Variants in ENC1 observed in about 807,000 individuals in gnomAD.
ENC1 encodes ectodermal-neural cortex 1, also known as ectoderm-neural cortex protein 1.
In ENC1, 19 loss-of-function variants were observed where a neutral mutation model predicts 40.9. The ratio of observed to expected loss-of-function variants is 0.46; its 90% CI spans 0.32 to 0.68. ENC1 has a LOEUF of 0.68. Ranked by LOEUF, ENC1 falls within the 30% of genes least tolerant of loss-of-function variation. ENC1 has a pLI of 0.03. For missense variants in ENC1, 479 were observed against 737.5 expected, an observed-to-expected ratio of 0.65 and a Z score of 4.06; for synonymous variants, 285 against 291.1, an observed-to-expected ratio of 0.98 and a Z score of 0.21.
chr5:74,636,188 G>A lies in ENC1; in HGVS notation c.298C>T (p.Leu100=). Residue 100 remains leucine, a synonymous_variant, in exon 2 of 3, where the codon CTG becomes TTG. Coordinates refer to ENST00000302351, the MANE Select transcript of ENC1 (RefSeq NM_003633.4). This position sits in a 1 kb window ranked among gnomAD's most constrained non-coding sequence, Gnocchi z 4.8. The stretch of plus-strand genomic sequence containing the variant: ...GAGGAGTACGCATAGTCAAGCAGCA[G>A]CTCCAAGACTTCTGGGTGGATGGAA... ...DNSIHPEVLE[L]LLDYAYSSRV... The A allele has an allele frequency of 6.2e-7, 1 of 1,614,168 alleles. No homozygotes were observed. The highest frequency in any genetic ancestry group is 8.5e-7 in the Non-Finnish European group (1 of 1,180,030).
In ENC1 at chr5:74,627,516, A is replaced by C. The variant is rs139423358; in HGVS notation, c.*2509T>G. On this transcript the variant is annotated 3_prime_UTR_variant, in exon 3 of 3. Transcript: ENST00000302351. ...AAATGTAGTCATAGCAAACAAGTAC[A>C]TATGAACATGAACATTTTCCTTCAA... 314 of 152,794 alleles carry C rather than the reference A, an allele frequency of 2.1e-3. 2 individuals carry two copies. Among genetic ancestry groups the C allele is most frequent in the African/African-American group, 7.3e-3 (303 of 41,584 alleles). The allele number at this position is 152,794 out of a possible 1,614,324, so 9.5% of individuals were successfully genotyped here.
At chr5:74,638,399 A>G (rs3822447) in intron 1 of ENC1, among the ~76,000 whole-genome samples, 114,780 of 152,132 alleles carry the variant, frequency 0.75, 43,374 homozygotes, top group Middle Eastern at 0.86. Flanking sequence ...TTTTTGGAAT[A>G]TAATTTTTTA....
intron 1 of ENC1, chr5:74,637,376 C>T (rs1418898974): frequency 1.3e-5 from 2 of 152,080 alleles, no homozygotes; most frequent in Non-Finnish European, 2.9e-5. Flanking sequence ...AATTTCTAAC[C>T]AGACAGCTCT....
chr5:74,636,216 G>A lies in ENC1; in HGVS notation c.270C>T (p.Asp90=). The change falls in exon 2 of 3, where the codon GAC becomes GAT. Residue 90 remains aspartate, a synonymous_variant. Coordinates refer to ENST00000302351, the MANE Select transcript of ENC1 (RefSeq NM_003633.4). This position sits in a 1 kb window ranked among gnomAD's most constrained non-coding sequence, Gnocchi z 4.8. The part of the protein sequence containing the change: ...KESQDSEVNF[D]NSIHPEVLEL... ...CCAAGACTTCTGGGTGGATGGAATT[G>A]TCAAAGTTGACCTCACTGTCCTGGC... The A allele has an allele frequency of 6.2e-7, 1 of 1,614,210 alleles. No homozygotes were observed. The highest frequency in any genetic ancestry group is 8.5e-7 in the Non-Finnish European group (1 of 1,180,044).
rs1322658642 is a variant in ENC1 at position 74,628,049 on chromosome 5, T to C, written c.*1976A>G. The C allele has an allele frequency of 6.6e-6, 1 of 152,570 alleles. No homozygotes were observed. The highest frequency in any genetic ancestry group is 1.9e-4 in the East Asian group (1 of 5,198). The allele number at this position is 152,570 out of a possible 1,614,324, so 9.5% of individuals were successfully genotyped here. A position where few individuals can be genotyped will look rare whatever the true frequency, so the allele number is the denominator to read the frequency against. On this transcript the variant is annotated 3_prime_UTR_variant, in exon 3 of 3. Coordinates refer to ENST00000302351, the MANE Select transcript of ENC1 (RefSeq NM_003633.4). ...CTCTTGGCAGATTTGCATCATAAAC[T>C]ACAGAGCTGTAACTGCTACAATATA...
Position 74,635,639 on chromosome 5 carries a change from C to CCA in ENC1, c.845_846dup (p.Val283TrpfsTer2). The CCA allele has an allele frequency of 1.2e-6, 2 of 1,614,218 alleles. No homozygotes were observed. Among genetic ancestry groups the CCA allele is most frequent in the Non-Finnish European group, 1.7e-6 (2 of 1,180,038 alleles). Reference sequence around the variant, plus strand: ...CGAGGTCGGGCACAGAGGCTGGTTACCACACCGTCATTCTGCAGGATTTTC... The same window carrying CCA: ...CGAGGTCGGGCACAGAGGCTGGTTACCACACACCGTCATTCTGCAGGATTTTC... On this transcript the variant is annotated frameshift_variant, in exon 2 of 3. Coordinates refer to ENST00000302351, the MANE Select transcript of ENC1 (RefSeq NM_003633.4). LOFTEE classifies it high-confidence loss of function. The surrounding 1 kb of genome is among the most constrained non-coding windows in gnomAD (Gnocchi z 5.5).
At chr5:74,637,317 C>T (rs768281824) in intron 1 of ENC1, among the ~76,000 whole-genome samples, 1 of 152,140 alleles carries the variant, frequency 6.6e-6, no homozygotes, top group Non-Finnish European at 1.5e-5. Context: ...GGGTCTCAAA[C>T]TCCTGGCCTC....
Position 74,636,291 on chromosome 5 carries a change from A to G in ENC1, c.195T>C (p.Ala65=). Residue 65 remains alanine (A), a synonymous_variant, in exon 2 of 3, where the codon GCT becomes GCC. Transcript: ENST00000302351. This position sits in a 1 kb window ranked among gnomAD's most constrained non-coding sequence, Gnocchi z 4.8. The part of the protein sequence containing the change: ...RTFPCHRAVL[A]ACSRYFEAMF... ...TGGCCTCAAAGTAGCGACTGCATGC[A>G]GCCAGCACTGCCCGGTGGCAAGGGA... The G allele has an allele frequency of 1.2e-6, 2 of 1,614,232 alleles. No homozygotes were observed. The highest frequency in any genetic ancestry group is 1.7e-6 in the Non-Finnish European group (2 of 1,180,050).
intron 1 of ENC1, chr5:74,637,540 A>C (rs141098146): frequency 1.6e-4 from 24 of 152,312 alleles, no homozygotes; most frequent in Non-Finnish European, 3.1e-4. Context: ...GGCACATAAA[A>C]AGAAGAATAT....
intron 2 of ENC1, among the ~76,000 whole-genome samples, chr5:74,631,048 CA>C (rs112772452): frequency 0.11 from 16,685 of 151,758 alleles, 964 homozygotes; most frequent in Non-Finnish European, 0.13. Flanking sequence ...AACATTAGGC[CA>C]AAAGAATGTA....
chr5:74,640,199 C>T (rs1468516001), intron 1 of ENC1, 108 bp downstream of exon 1: 1 of 152,230 alleles, frequency 6.6e-6, no homozygotes, highest in Admixed American at 6.5e-5. Context: ...GTCGAAGCTC[C>T]CGAGTGCTCG....
rs1406505240 is a variant in ENC1, at chr5:74,629,478, AGCAGACCCCTTAGAGATTAAC to A, written c.*526_*546del. 6.6e-6 allele frequency: 1 copy of A among 152,236 alleles called. No homozygotes were observed. The highest frequency in any genetic ancestry group is 2.4e-5 in the African/African-American group (1 of 41,460). 9.4% of individuals were successfully genotyped at this position (152,236 alleles called of 1,614,324 possible). A position where few individuals can be genotyped will look rare whatever the true frequency, so the allele number is the denominator to read the frequency against. On this transcript the variant is annotated 3_prime_UTR_variant, in exon 3 of 3. Transcript: ENST00000302351. The stretch of plus-strand genomic sequence containing the variant: ...CCATTGTTCAGAAACGTTCCTGGGG[AGCAGACCCCTTAGAGATTAAC>A]GGAGAGTCCAGTGGTCTTCATTCTT...
At position 74,634,887 on chromosome 5, in the gene ENC1, A is replaced by G. The variant is rs374922468; in HGVS notation, c.1599T>C (p.Ala533=). ...DVTAKRMSCH[A]VASGNKLYVV... ...CGTAGAGTTTGTTTCCAGAGGCCAC[A>G]GCATGGCAGCTCATGCGCTTTGCTG... Residue 533 remains alanine (A), a synonymous_variant, in exon 2 of 3, where the codon GCT becomes GCC. Coordinates refer to ENST00000302351, the MANE Select transcript of ENC1 (RefSeq NM_003633.4). 4.1e-5 allele frequency: 66 copies of G among 1,614,116 alleles called. No individual in the cohort carries two copies. The highest frequency in any genetic ancestry group is 5.2e-5 in the Non-Finnish European group (61 of 1,180,040).
Position 74,636,442 on chromosome 5 carries a change from C to T in ENC1, c.44G>A (p.Ser15Asn). Reference sequence around the variant, plus strand: ...AAACAGATAGATGTTAATGGAGCCGCTGCTGGCCCTGGACTTGCGGTTCTC... The same window carrying T: ...AAACAGATAGATGTTAATGGAGCCGTTGCTGGCCCTGGACTTGCGGTTCTC... ...VHENRKSRAS[S>N]GSINIYLFHK... The change falls in exon 2 of 3, where the codon AGC becomes AAC. Residue 15 changes from serine to asparagine, a missense_variant. Ser to Asn is a conservative substitution (Grantham distance 46). Transcript: ENST00000302351. The surrounding 1 kb of genome is among the most constrained non-coding windows in gnomAD (Gnocchi z 4.8). The T allele has an allele frequency of 6.2e-7, 1 of 1,613,522 alleles. No homozygotes were observed. Among genetic ancestry groups the T allele is most frequent in the East Asian group, 2.2e-5 (1 of 44,852 alleles).
rs1219012014 is a variant in ENC1 at position 74,628,665 on chromosome 5, G to T, written c.*1360C>A. 1 of 152,254 alleles carries T rather than the reference G, an allele frequency of 6.6e-6. No homozygotes were observed. Among genetic ancestry groups the T allele is most frequent in the East Asian group, 1.9e-4 (1 of 5,176 alleles). The allele number at this position is 152,254 out of a possible 1,614,324, so 9.4% of individuals were successfully genotyped here. On this transcript the variant is annotated 3_prime_UTR_variant, in exon 3 of 3. Transcript: ENST00000302351. Reference sequence around the variant, plus strand: ...ACGGGTGAGCACTGAAGTATACATTGTGCCAATGTAATTATTGTCTTGGAG... The same window carrying T: ...ACGGGTGAGCACTGAAGTATACATTTTGCCAATGTAATTATTGTCTTGGAG...
At chr5:74,637,930 G>A (rs1012958607) in intron 1 of ENC1, among the ~76,000 whole-genome samples, 15 of 152,134 alleles carry the variant, frequency 9.9e-5, no homozygotes, top group Non-Finnish European at 2.2e-4. Flanking sequence ...AAACAGTAGG[G>A]TAGAGACATA....
At chr5:74,633,648 GA>G (rs1302914166) in intron 2 of ENC1, among the ~76,000 whole-genome samples, 3 of 152,222 alleles carry the variant, frequency 2.0e-5, no homozygotes, top group Admixed American at 2.0e-4. Context: ...AGGGTTTGAG[GA>G]AGCAAAATTT....
Position 74,636,631 on chromosome 5 carries a change from G to C in ENC1, c.-13-133C>G, listed in dbSNP as rs1747607101. The C allele has an allele frequency of 5.0e-6, 3 of 603,262 alleles. No homozygotes were observed. The highest frequency in any genetic ancestry group is 8.7e-6 in the Non-Finnish European group (3 of 345,430). 37.4% of individuals were successfully genotyped at this position (603,262 alleles called of 1,614,324 possible). ...CCATGCCACCTACTATTCTAGAATA[G>C]TGTATGGCCATTCCAGGACAAAGCC... On this transcript the variant is annotated intron_variant, in intron 1 of 2. Coordinates refer to ENST00000302351, the MANE Select transcript of ENC1 (RefSeq NM_003633.4). The surrounding 1 kb of genome is among the most constrained non-coding windows in gnomAD (Gnocchi z 4.8).
intron 2 of ENC1, 47 bp downstream of exon 2, chr5:74,634,637 A>G (rs1747507335): frequency 1.1e-6 from 1 of 898,762 alleles, no homozygotes; most frequent in Non-Finnish European, 1.8e-6. Context: ...GAACTTACAC[A>G]ATAGCCTAAT....
Sources: allele counts gnomAD v4.1 joint callset (sites outside exome capture counted in the v4.1 genomes callset), GRCh38; gene constraint gnomAD v4.1.1; non-coding constraint Gnocchi (gnomAD v3.1); transcripts MANE v1.5; gene names NCBI Gene and HGNC (gene_info 2026-07-23, HGNC 2026-07-21).